The following BSPRY variants were observed in gnomAD, a reference collection of about 807,000 sequenced individuals.
BSPRY encodes the protein B box and SPRY domain-containing protein.
A neutral mutation model predicts 38.0 loss-of-function variants in BSPRY; 33 were observed. The observed-to-expected ratio is 0.87, with a 90% confidence interval of 0.66 to 1.16. The LOEUF (loss-of-function observed/expected upper bound fraction) is 1.16, where lower values mean the gene tolerates loss of function less well. Ranked by LOEUF, BSPRY falls within the 50% of genes most tolerant of loss-of-function variation. The pLI, the probability that BSPRY is intolerant of heterozygous loss-of-function variation, is 0.00. For synonymous variants in BSPRY, 224 were observed against 228.5 expected (o/e 0.98, Z 0.18); for missense variants, 523 against 533.2 (o/e 0.98, Z 0.19).
Position 113,349,633 on chromosome 9 carries a change from G to A in BSPRY, c.54G>A (p.Pro18=). 1.6e-6 allele frequency: 2 copies of A among 1,212,804 alleles called. No individual in the cohort carries two copies. Among genetic ancestry groups the A allele is most frequent in the South Asian group, 3.6e-5 (1 of 27,888 alleles). The allele number at this position is 1,212,804 out of a possible 1,614,324, so 75.1% of individuals were successfully genotyped here. The change falls in exon 1 of 6, where the codon CCG becomes CCA. Residue 18 remains proline (P), a synonymous_variant. Coordinates refer to ENST00000374183, the MANE Select transcript of BSPRY (RefSeq NM_017688.3). ...CGGGGTCCGGGTCCGGGCCCGGGCC[G>A]GGGCCACTCTGCCCCGAACACGGCC... The part of the protein sequence containing the change: ...PGPGSGSGPG[P]GPLCPEHGQA...
In BSPRY at chr9:113,369,999, G is replaced by A. The variant is rs1834318700; in HGVS notation, c.1066G>A (p.Val356Ile). Residue 356 changes from valine (V) to isoleucine (I), a missense_variant, in exon 6 of 6, where the codon GTA becomes ATA. Coordinates refer to ENST00000374183, the MANE Select transcript of BSPRY (RefSeq NM_017688.3). ...GLLRGPAQLG[V>I]VLDLQVQELL... is the part of the protein sequence containing the mutation. ...GCTGCGGGGCCCAGCCCAGCTGGGT[G>A]TAGTGCTGGACTTGCAGGTTCAGGA... is the stretch of plus-strand genomic sequence containing the variant. 2 of 1,614,140 alleles carry A rather than the reference G, an allele frequency of 1.2e-6. No individual in the cohort carries two copies. Among genetic ancestry groups the A allele is most frequent in the Admixed American group, 1.7e-5 (1 of 60,026 alleles).
chr9:113,351,116 C>T (rs7873862), intron 1 of BSPRY, among the ~76,000 whole-genome samples: 41,697 of 151,898 alleles, frequency 0.27, 6,988 homozygotes, highest in African/African-American at 0.46. Flanking sequence ...GTCATGGAAA[C>T]CTTAAAAGTA....
chr9:113,370,409 C>CAA lies in BSPRY; in HGVS notation c.*267_*268insAA. Reference sequence around the variant, plus strand: ...AAATACACTAACGATAGCTGATGAGCTAAAAAAAAAAAAAAAGTCTGTGTA... The same window carrying CAA: ...AAATACACTAACGATAGCTGATGAGCAATAAAAAAAAAAAAAAAGTCTGTGTA... On this transcript the variant is annotated 3_prime_UTR_variant, in exon 6 of 6. Transcript: ENST00000374183. The surrounding 1 kb of genome is among the most constrained non-coding windows in gnomAD (Gnocchi z 4.8). 3.5e-6 allele frequency: 1 copy of CAA among 281,770 alleles called. No individual in the cohort carries two copies. Among genetic ancestry groups the CAA allele is most frequent in the Non-Finnish European group, 6.2e-6 (1 of 160,032 alleles). The allele number at this position is 281,770 out of a possible 1,614,324, so 17.5% of individuals were successfully genotyped here.
chr9:113,351,867 T>C (rs2118902162), intron 1 of BSPRY, among the ~76,000 whole-genome samples: 1 of 152,250 alleles, frequency 6.6e-6, no homozygotes, highest in Admixed American at 6.5e-5. Flanking sequence ...TGGAGTGCAG[T>C]GGTGCTATTT....
chr9:113,363,229 T>C (rs1181969691), intron 4 of BSPRY, among the ~76,000 whole-genome samples: 1 of 152,014 alleles, frequency 6.6e-6, no homozygotes, highest in African/African-American at 2.4e-5. Context: ...GATGGTAGCT[T>C]GAAGCTAGGA....
rs1378371195 is a variant in BSPRY, at chr9:113,371,020, C to CT, written c.*879dup. 2.6e-5 allele frequency: 4 copies of CT among 152,258 alleles called. No individual in the cohort carries two copies. The highest frequency in any genetic ancestry group is 5.9e-5 in the Non-Finnish European group (4 of 68,066). 9.4% of individuals were successfully genotyped at this position (152,258 alleles called of 1,614,324 possible). On this transcript the variant is annotated 3_prime_UTR_variant, in exon 6 of 6. Coordinates refer to ENST00000374183, the MANE Select transcript of BSPRY (RefSeq NM_017688.3). Reference sequence around the variant, plus strand: ...TCTCCAGGTAACCCGACTGTAGCCCCTGCTGGCTGAGCTCCAGCCTGTGCC... The same window carrying CT: ...TCTCCAGGTAACCCGACTGTAGCCCCTTGCTGGCTGAGCTCCAGCCTGTGCC...
At chr9:113,365,752 T>A (rs199801878) in intron 4 of BSPRY, among the ~76,000 whole-genome samples, 50,300 of 104,498 alleles carry the variant, frequency 0.48, 9,654 homozygotes, top group African/African-American at 0.6. Flanking sequence ...AGAGAGAGAG[T>A]GTGTGTGTGT....
Position 113,354,155 on chromosome 9 carries a change from TG to T in BSPRY, c.202-84del, listed in dbSNP as rs1238797435. The T allele has an allele frequency of 1.2e-4, 109 of 904,812 alleles. 1 individual carries two copies. The highest frequency in any genetic ancestry group is 1.8e-4 in the Non-Finnish European group (103 of 578,172). The allele number at this position is 904,812 out of a possible 1,614,324, so 56.0% of individuals were successfully genotyped here. On this transcript the variant is annotated intron_variant, in intron 1 of 5. Transcript: ENST00000374183. ...TGACCATGGGAGTGGGTGGCTGACA[TG>T]TGGTAACAGGAGAAAATCACTGGGA...
rs762986393 is a variant in BSPRY at position 113,370,190 on chromosome 9, C to T, written c.*48C>T. 3 of 1,510,330 alleles carry T rather than the reference C, an allele frequency of 2.0e-6. No homozygotes were observed. Among genetic ancestry groups the T allele is most frequent in the Non-Finnish European group, 2.7e-6 (3 of 1,127,844 alleles). 93.6% of individuals were successfully genotyped at this position (1,510,330 alleles called of 1,614,324 possible). A position where few individuals can be genotyped will look rare whatever the true frequency, so the allele number is the denominator to read the frequency against. ...TCCACCGCCCACCACCCTTTCAGGC[C>T]ATGTTTCTACTCAGTGTGCTTTTCC... On this transcript the variant is annotated 3_prime_UTR_variant, in exon 6 of 6. Transcript: ENST00000374183. The surrounding 1 kb of genome is among the most constrained non-coding windows in gnomAD (Gnocchi z 4.8).
chr9:113,362,932 A>G (rs570665058), intron 4 of BSPRY, among the ~76,000 whole-genome samples: 1 of 152,254 alleles, frequency 6.6e-6, no homozygotes, highest in South Asian at 2.1e-4. Context: ...GGCCTGAGGA[A>G]GTGGCCAAGA....
chr9:113,362,153 T>C (rs890081237), intron 3 of BSPRY, among the ~76,000 whole-genome samples: 2 of 150,958 alleles, frequency 1.3e-5, no homozygotes, highest in Non-Finnish European at 2.9e-5. Flanking sequence ...GTAGAGTGAT[T>C]CATTCTGAGC....
chr9:113,364,248 G>C (rs1834207846), intron 4 of BSPRY, among the ~76,000 whole-genome samples: 2 of 152,182 alleles, frequency 1.3e-5, no homozygotes, highest in Non-Finnish European at 1.5e-5. Flanking sequence ...TGTGAAACTT[G>C]TTAGGCTATC....
intron 4 of BSPRY, among the ~76,000 whole-genome samples, chr9:113,363,106 G>A (rs1353206216): frequency 1.3e-5 from 2 of 152,032 alleles, no homozygotes; most frequent in African/African-American, 2.4e-5. Flanking sequence ...AGTAATACAT[G>A]TGCATGAGAG....
intron 2 of BSPRY, among the ~76,000 whole-genome samples, chr9:113,357,862 G>C (rs1223397111): frequency 3.3e-5 from 4 of 120,624 alleles, no homozygotes; most frequent in South Asian, 2.9e-4. Flanking sequence ...GCATGACCCG[G>C]TACTGTGCCT....
intron 4 of BSPRY, among the ~76,000 whole-genome samples, chr9:113,366,582 G>A (rs1025444900): frequency 6.6e-6 from 1 of 152,124 alleles, no homozygotes; most frequent in Non-Finnish European, 1.5e-5. Context: ...TTTTGTCTTC[G>A]GTACCATAGG....
Position 113,360,738 on chromosome 9 carries a change from G to T in BSPRY, c.531+1G>T, listed in dbSNP as rs780848673. 2.5e-6 allele frequency: 4 copies of T among 1,577,408 alleles called. No homozygotes were observed. The highest frequency in any genetic ancestry group is 3.4e-6 in the Non-Finnish European group (4 of 1,162,150). On this transcript the variant is annotated splice_donor_variant, in intron 3 of 5. Transcript: ENST00000374183. LOFTEE classifies it high-confidence loss of function. ...TCACCTGGATGACCTCCAGCTGATT[G>T]TAAGTCAGGCAAGGGTGAGGGCATG...
intron 3 of BSPRY, among the ~76,000 whole-genome samples, chr9:113,361,756 C>A (rs886086880): frequency 6.6e-6 from 1 of 152,170 alleles, no homozygotes; most frequent in Non-Finnish European, 1.5e-5. Flanking sequence ...CATCCTTAAT[C>A]CTACCACCCA....
At chr9:113,353,723 A>T (rs545148220) in intron 1 of BSPRY, among the ~76,000 whole-genome samples, 10 of 152,274 alleles carry the variant, frequency 6.6e-5, no homozygotes, top group Non-Finnish European at 1.2e-4. Flanking sequence ...TAAATAAAAA[A>T]AAATAAAAAT....
Position 113,368,364 on chromosome 9 carries a change from G to T in BSPRY, c.663G>T (p.Ala221=). The T allele has an allele frequency of 6.2e-7, 1 of 1,614,116 alleles. No individual in the cohort carries two copies. The highest frequency in any genetic ancestry group is 1.1e-5 in the South Asian group (1 of 91,062). Reference sequence around the variant, plus strand: ...TACTGACCCAACTCTGGGCAACGGCGGTTCTTGGGTCTCTCTCAGGTTAGG... The same window carrying T: ...TACTGACCCAACTCTGGGCAACGGCTGTTCTTGGGTCTCTCTCAGGTTAGG... ...SPLLTQLWAT[A]VLGSLSGTED... The change falls in exon 5 of 6, where the codon GCG becomes GCT. Residue 221 remains alanine (A), a synonymous_variant. Coordinates refer to ENST00000374183, the MANE Select transcript of BSPRY (RefSeq NM_017688.3).
Sources: allele counts gnomAD v4.1 joint callset (sites outside exome capture counted in the v4.1 genomes callset), GRCh38; gene constraint gnomAD v4.1.1; non-coding constraint Gnocchi (gnomAD v3.1); transcripts MANE v1.5; gene names NCBI Gene and HGNC (gene_info 2026-07-23, HGNC 2026-07-21).